DIS3L2: variants seen among roughly 807,000 people sequenced by gnomAD.
DIS3L2 encodes DIS3-like exonuclease 2.
DIS3L2 carries 34 observed loss-of-function variants against 97.5 expected under a neutral mutation model. The ratio of observed to expected loss-of-function variants is 0.35; its 90% CI spans 0.27 to 0.46. DIS3L2 has a LOEUF of 0.46. DIS3L2 is among the 20% of genes least tolerant of loss of function. The probability of loss-of-function intolerance (pLI) is 1.00; values close to 1 mark genes in which losing one functional copy is unlikely to be tolerated. For synonymous variants in DIS3L2, 435 were observed against 445.2 expected (o/e 0.98, Z 0.29); for missense variants, 1,038 against 1,146.0 (o/e 0.91, Z 1.36).
chr2:232,124,208 C>T (rs997585725), intron 6 of DIS3L2, among the ~76,000 whole-genome samples: 1 of 152,016 alleles, frequency 6.6e-6, no homozygotes, highest in African/African-American at 2.4e-5. Flanking sequence ...TAAGAAAACA[C>T]AAACAACAGA....
At chr2:232,314,449 G>T (rs1163319766) in intron 14 of DIS3L2, among the ~76,000 whole-genome samples, 2 of 151,598 alleles carry the variant, frequency 1.3e-5, no homozygotes, top group African/African-American at 4.8e-5. Context: ...AGGCCTCAGG[G>T]CCCTGGGGCT....
chr2:232,241,352 C>T (rs1693075877), intron 11 of DIS3L2, among the ~76,000 whole-genome samples: 1 of 152,222 alleles, frequency 6.6e-6, no homozygotes, highest in Non-Finnish European at 1.5e-5. Flanking sequence ...GGTTCCAGTT[C>T]ATTTCCCATC....
chr2:232,224,974 GA>G (rs1692604641), intron 10 of DIS3L2, among the ~76,000 whole-genome samples: 1 of 151,984 alleles, frequency 6.6e-6, no homozygotes, highest in African/African-American at 2.4e-5. Flanking sequence ...CTTCATAAAA[GA>G]AGATAACCAA....
At chr2:232,018,385 AGTT>A (rs1308349200) in intron 3 of DIS3L2, among the ~76,000 whole-genome samples, 3 of 152,204 alleles carry the variant, frequency 2.0e-5, no homozygotes, top group Non-Finnish European at 4.4e-5. Context: ...ATATGAGAAC[AGTT>A]GTTCTTTGCA....
In DIS3L2 at chr2:232,334,678, G is replaced by A; in HGVS notation, c.2337G>A (p.Lys779=). Residue 779 remains lysine (K), a synonymous_variant, in exon 19 of 21, where the codon AAG becomes AAA. Coordinates refer to ENST00000325385, the MANE Select transcript of DIS3L2 (RefSeq NM_152383.5). The part of the protein sequence containing the change: ...ESEAMVMGIL[K]QAFDVLVLRY... Reference sequence around the variant, plus strand: ...AAGCCATGGTGATGGGCATCCTGAAGCAAGCCTTCGACGTGCTGGTGCTGC... The same window carrying A: ...AAGCCATGGTGATGGGCATCCTGAAACAAGCCTTCGACGTGCTGGTGCTGC... The A allele has an allele frequency of 6.2e-7, 1 of 1,610,860 alleles. No homozygotes were observed. The highest frequency in any genetic ancestry group is 1.1e-5 in the South Asian group (1 of 90,564).
chr2:232,185,833 G>A (rs991951229), intron 9 of DIS3L2, among the ~76,000 whole-genome samples: 3 of 129,808 alleles, frequency 2.3e-5, no homozygotes, highest in African/African-American at 9.1e-5. Context: ...CTGGGCAACA[G>A]AGTGAGACTT....
chr2:231,961,785 GC>G lies in DIS3L2; in HGVS notation c.-94+25del. On this transcript the variant is annotated intron_variant, in intron 1 of 20. Transcript: ENST00000325385. The stretch of plus-strand genomic sequence containing the variant: ...GAAACGGTGAGGCCCTCACTCGCCT[GC>G]CCCCTGCACCGCCTAGTGCTGCACG... 1 of 153,258 alleles carries G rather than the reference GC, an allele frequency of 6.5e-6. No homozygotes were observed. Among genetic ancestry groups the G allele is most frequent in the Non-Finnish European group, 1.5e-5 (1 of 68,714 alleles). 9.5% of individuals were successfully genotyped at this position (153,258 alleles called of 1,614,324 possible).
chr2:232,022,031 G>A (rs1694533280), intron 3 of DIS3L2, among the ~76,000 whole-genome samples: 1 of 152,132 alleles, frequency 6.6e-6, no homozygotes, highest in South Asian at 2.1e-4. Context: ...TCAGGTTAGG[G>A]GATGGCTATA....
intron 19 of DIS3L2, 126 bp from the exon 20 acceptor site, chr2:232,335,647 C>T (rs1032255992): frequency 1.6e-5 from 18 of 1,100,926 alleles, no homozygotes; most frequent in Admixed American, 1.2e-4. Flanking sequence ...AAGCTCCCTC[C>T]AGCCAGGCAA....
intron 5 of DIS3L2, among the ~76,000 whole-genome samples, chr2:232,057,629 A>G (rs1013045247): frequency 2.0e-5 from 3 of 152,164 alleles, no homozygotes; most frequent in African/African-American, 7.2e-5. Flanking sequence ...TAGGACCCTA[A>G]TCGTTAAACC....
At chr2:232,128,257 A>G (rs1265995548) in intron 6 of DIS3L2, among the ~76,000 whole-genome samples, 3 of 152,042 alleles carry the variant, frequency 2.0e-5, no homozygotes, top group Non-Finnish European at 4.4e-5. Context: ...TGCCCACCCT[A>G]TAATTTTATA....
intron 6 of DIS3L2, among the ~76,000 whole-genome samples, chr2:232,107,798 TAGA>T (rs2106329313): frequency 6.6e-6 from 1 of 152,270 alleles, no homozygotes; most frequent in Non-Finnish European, 1.5e-5. Flanking sequence ...CTAGAAAATC[TAGA>T]AGAAATAGAT....
intron 5 of DIS3L2, among the ~76,000 whole-genome samples, chr2:232,076,693 T>C (rs189733154): frequency 1.5e-4 from 23 of 152,294 alleles, no homozygotes; most frequent in African/African-American, 5.0e-4. Context: ...TTTTAAAATT[T>C]CTTTTATTAT....
chr2:232,326,985 G>A (rs1193393450), intron 14 of DIS3L2, among the ~76,000 whole-genome samples: 1 of 152,162 alleles, frequency 6.6e-6, no homozygotes, highest in Non-Finnish European at 1.5e-5. Flanking sequence ...GTCTTGGCAG[G>A]GGCTTCCACA....
At chr2:232,303,599 A>G (rs1182491695) in intron 14 of DIS3L2, among the ~76,000 whole-genome samples, 1 of 152,224 alleles carries the variant, frequency 6.6e-6, no homozygotes, top group Non-Finnish European at 1.5e-5. Flanking sequence ...TCAGCAGAAA[A>G]AGTTGTTCTG....
At chr2:232,335,997 G>A in intron 20 of DIS3L2, 123 bp downstream of exon 20, 4 of 1,526,796 alleles carry the variant, frequency 2.6e-6, no homozygotes, top group South Asian at 2.5e-5. Flanking sequence ...CTCCCGGGTG[G>A]GGTTTTAGGG....
Position 232,284,771 on chromosome 2 carries a change from C to A in DIS3L2, c.1660-15269C>A, listed in dbSNP as rs1359628315. On this transcript the variant is annotated intron_variant, in intron 13 of 20. Transcript: ENST00000325385. ...TGCCAGACCTGAGGCCTCATCTACA[C>A]CATGCAGGCCCCTCTACCAGATCAT... is the stretch of plus-strand genomic sequence containing the variant. 4.6e-5 allele frequency among the ~76,000 whole-genome samples: 7 copies of A among 152,158 alleles called. No individual in the cohort carries two copies. In the East Asian group the frequency reaches 1.4e-3, roughly 29 times the overall value.
intron 8 of DIS3L2, among the ~76,000 whole-genome samples, chr2:232,155,766 A>G (rs3116178): frequency 0.8 from 121,563 of 151,950 alleles, 49,198 homozygotes; most frequent in African/African-American, 0.9. Context: ...CGAGGCGGGC[A>G]GATCACGAGG....
chr2:232,065,024 TG>T (rs1391019917), intron 5 of DIS3L2, among the ~76,000 whole-genome samples: 1 of 152,176 alleles, frequency 6.6e-6, no homozygotes, highest in African/African-American at 2.4e-5. Flanking sequence ...TAATGAGTTA[TG>T]CCTTTGGTTT....
Sources: allele counts gnomAD v4.1 joint callset (sites outside exome capture counted in the v4.1 genomes callset), GRCh38; gene constraint gnomAD v4.1.1; transcripts MANE v1.5; gene names NCBI Gene and HGNC (gene_info 2026-07-23, HGNC 2026-07-21).